Variants in DYNC2I1 observed in about 807,000 individuals in gnomAD.
DYNC2I1 encodes cytoplasmic dynein 2 intermediate chain 1.
In DYNC2I1, 89 loss-of-function variants were observed where a neutral mutation model predicts 133.4. The observed-to-expected ratio is 0.67, with a 90% CI of 0.56 to 0.80. The LOEUF is 0.80. DYNC2I1 is among the 30% of genes least tolerant of loss of function. The pLI, the probability that DYNC2I1 is intolerant of heterozygous loss-of-function variation, is 0.00. For synonymous variants in DYNC2I1, 504 were observed against 484.3 expected, an observed-to-expected ratio of 1.04 and a Z score of -0.54; for missense variants, 1,291 against 1,314.5, an observed-to-expected ratio of 0.98 and a Z score of 0.28.
chr7:158,853,520 T>C (rs1251465349), upstream of DYNC2I1, among the ~76,000 whole-genome samples: 1 of 152,140 alleles, frequency 6.6e-6, no homozygotes, highest in Admixed American at 6.6e-5. Flanking sequence ...GACCTTAGTT[T>C]TTATGAGCTG....
At chr7:158,906,980 C>A (rs1275169561) in intron 11 of DYNC2I1, among the ~76,000 whole-genome samples, 1 of 152,026 alleles carries the variant, frequency 6.6e-6, no homozygotes, top group Non-Finnish European at 1.5e-5. Context: ...AGCAGCATAG[C>A]GAGACGCACC....
chr7:158,876,733 C>G (rs771427155), intron 4 of DYNC2I1, 42 bp downstream of exon 4: 2 of 1,505,006 alleles, frequency 1.3e-6, no homozygotes, highest in Non-Finnish European at 1.8e-6. Context: ...CCAAATGTTG[C>G]CAAGTAAAGG....
chr7:158,865,750 C>T (rs1302403480), intron 1 of DYNC2I1, among the ~76,000 whole-genome samples: 2 of 152,266 alleles, frequency 1.3e-5, no homozygotes, highest in Middle Eastern at 3.4e-3. Context: ...TGCTGGGCTG[C>T]TCCATAGGGC....
the DYNC2I1 span, among the ~76,000 whole-genome samples, chr7:158,840,538 C>T: frequency 6.6e-6 from 1 of 152,110 alleles, no homozygotes; most frequent in Non-Finnish European, 1.5e-5. Flanking sequence ...CTGCACTTCA[C>T]CCTGGGTGAC....
intron 11 of DYNC2I1, among the ~76,000 whole-genome samples, chr7:158,907,648 C>T (rs182419734): frequency 2.0e-4 from 30 of 152,098 alleles, no homozygotes; most frequent in Admixed American, 2.0e-3. Flanking sequence ...CTCACTCTGG[C>T]ACCCAGGCTG....
chr7:158,863,574 A>T (rs1457470094), intron 1 of DYNC2I1, among the ~76,000 whole-genome samples: 9 of 105,148 alleles, frequency 8.6e-5, no homozygotes, highest in African/African-American at 2.2e-4. Context: ...CCTTAGCTCC[A>T]GGTGTGTGTG....
At chr7:158,896,349 A>G (rs190000202) in intron 8 of DYNC2I1, among the ~76,000 whole-genome samples, 171 of 152,298 alleles carry the variant, frequency 1.1e-3, no homozygotes, top group African/African-American at 3.9e-3. Context: ...ATATGATCTT[A>G]TGATTTTTCT....
At chr7:158,907,888 C>T (rs1847008609) in intron 11 of DYNC2I1, among the ~76,000 whole-genome samples, 1 of 152,020 alleles carries the variant, frequency 6.6e-6, no homozygotes, top group South Asian at 2.1e-4. Context: ...ATTGGGATTA[C>T]AGGTGTGAGC....
intron 8 of DYNC2I1, among the ~76,000 whole-genome samples, chr7:158,891,649 G>A (rs938087552): frequency 3.4e-4 from 52 of 152,128 alleles, no homozygotes; most frequent in Non-Finnish European, 1.0e-4. Context: ...GGAGGGAAGA[G>A]GTTTAGGGTG....
At chr7:158,879,042 A>G (rs1316609638) in intron 4 of DYNC2I1, among the ~76,000 whole-genome samples, 1 of 151,666 alleles carries the variant, frequency 6.6e-6, no homozygotes, top group Non-Finnish European at 1.5e-5. Flanking sequence ...AGAGGCCAGG[A>G]GGGCCGACCG....
intron 14 of DYNC2I1, 139 bp from the exon 15 acceptor site, chr7:158,918,601 G>A (rs972917759): frequency 1.1e-5 from 10 of 924,326 alleles, no homozygotes; most frequent in South Asian, 5.2e-5. Flanking sequence ...GGACCGTATC[G>A]TTTTTCTTGT....
intron 23 of DYNC2I1, among the ~76,000 whole-genome samples, chr7:158,937,442 C>T (rs961507898): frequency 4.6e-5 from 7 of 151,610 alleles, no homozygotes; most frequent in African/African-American, 1.2e-4. Flanking sequence ...CTGGCTGACA[C>T]GGTGAAACCC....
chr7:158,934,174 G>C lies in DYNC2I1; in HGVS notation c.2592G>C (p.Leu864=), dbSNP rs375996665. The C allele has an allele frequency of 1.1e-5, 17 of 1,612,320 alleles. No homozygotes were observed. The highest frequency in any genetic ancestry group is 1.4e-5 in the Non-Finnish European group (17 of 1,179,600). ...GNEFWGTTQT[L]NVKFLPSDPN... The stretch of plus-strand genomic sequence containing the variant: ...AATTTTGGGGCACTACACAAACACT[G>C]AATGTTAAATTTCTGCCTTCAGATC... The change falls in exon 22 of 25, where the codon CTG becomes CTC. Residue 864 remains leucine (L), a synonymous_variant. Coordinates refer to ENST00000407559, the MANE Select transcript of DYNC2I1 (RefSeq NM_018051.5).
At chr7:158,929,048 G>A (rs980016908) in intron 20 of DYNC2I1, among the ~76,000 whole-genome samples, 1 of 152,144 alleles carries the variant, frequency 6.6e-6, no homozygotes, top group African/African-American at 2.4e-5. Context: ...GATATCCTGG[G>A]GTGGTGAGTA....
At chr7:158,848,900 G>A in the DYNC2I1 span, among the ~76,000 whole-genome samples, 2 of 150,752 alleles carry the variant, frequency 1.3e-5, no homozygotes, top group East Asian at 3.9e-4. Context: ...TCCAGCCTGG[G>A]CAACAGAGTG....
intron 7 of DYNC2I1, among the ~76,000 whole-genome samples, chr7:158,888,797 T>C (rs181044540): frequency 6.6e-6 from 1 of 152,324 alleles, no homozygotes; most frequent in Admixed American, 6.5e-5. Flanking sequence ...TGAATTGCTT[T>C]ATTCTATGTC....
chr7:158,948,979 C>T (rs570653735), downstream of DYNC2I1, among the ~76,000 whole-genome samples: 5 of 152,332 alleles, frequency 3.3e-5, no homozygotes, highest in Admixed American at 6.5e-5. Flanking sequence ...CCGCTAATCT[C>T]GGACTGACTC....
At chr7:158,894,149 A>ATATCCTACCGCATATCCTACCG (rs1321459064) in intron 8 of DYNC2I1, among the ~76,000 whole-genome samples, 10 of 3,076 alleles carry the variant, frequency 3.3e-3, no homozygotes, top group African/African-American at 8.0e-3. Context: ...ATATCCTACC[A>ATATCCTACCGCATATCCTACCG]CATATCGTAC....
intron 23 of DYNC2I1, among the ~76,000 whole-genome samples, chr7:158,940,363 G>A (rs1447224708): frequency 6.6e-6 from 1 of 152,160 alleles, no homozygotes; most frequent in East Asian, 1.9e-4. Flanking sequence ...GACAGGAGGT[G>A]GGGTTCAGGT....
Sources: gnomAD v4.1 joint callset for allele counts (sites outside exome capture counted in the v4.1 genomes callset) on GRCh38, gnomAD v4.1.1 for gene constraint, MANE v1.5 for transcripts, NCBI Gene and HGNC (gene_info 2026-07-23, HGNC 2026-07-21) for gene names.